Variants in NEURL1 observed in about 807,000 individuals in gnomAD.
The protein encoded by NEURL1 is neuralized E3 ubiquitin protein ligase 1.
A neutral mutation model predicts 41.2 loss-of-function variants in NEURL1; 26 were observed. The ratio of observed to expected loss-of-function variants is 0.63; its 90% CI spans 0.46 to 0.87. The LOEUF is 0.87. NEURL1 is among the 40% of genes least tolerant of loss of function. NEURL1 has a pLI of 0.00. For synonymous variants in NEURL1, 400 were observed against 402.3 expected (o/e 0.99, Z 0.07); for missense variants, 761 against 871.1 (o/e 0.87, Z 1.59).
At chr10:103,509,640 A>G (rs559868673) in intron 1 of NEURL1, among the ~76,000 whole-genome samples, 2 of 152,328 alleles carry the variant, frequency 1.3e-5, no homozygotes, top group Non-Finnish European at 2.9e-5. Context: ...ACGAAATGTC[A>G]TTGTGCGGCT....
In NEURL1 at chr10:103,591,610, G is replaced by T. The variant is rs1204735348; in HGVS notation, c.*1238G>T. 3.3e-5 allele frequency: 5 copies of T among 152,212 alleles called. No individual in the cohort carries two copies. The South Asian group carries it at 1.0e-3, about 32-fold the overall frequency. 9.4% of individuals were successfully genotyped at this position (152,212 alleles called of 1,614,324 possible). On this transcript the variant is annotated 3_prime_UTR_variant, in exon 6 of 6. Coordinates refer to ENST00000369780, the MANE Select transcript of NEURL1 (RefSeq NM_004210.5). ...TCATGAACTGGAACTCCATAAGGAGGGGCCAAATTGGGAGGCCTTTTGGCA... is the reference window on the plus strand; with the variant it reads ...TCATGAACTGGAACTCCATAAGGAGTGGCCAAATTGGGAGGCCTTTTGGCA...
At chr10:103,577,042 C>G (rs561452262) in intron 3 of NEURL1, among the ~76,000 whole-genome samples, 1 of 152,350 alleles carries the variant, frequency 6.6e-6, no homozygotes, top group East Asian at 1.9e-4. Flanking sequence ...GCTGTGGCTG[C>G]TAGGGGCCAA....
intron 1 of NEURL1, among the ~76,000 whole-genome samples, chr10:103,551,826 T>C (rs572322595): frequency 2.0e-5 from 3 of 152,312 alleles, no homozygotes; most frequent in Admixed American, 2.0e-4. Flanking sequence ...CCTTTTAGAC[T>C]GCAGTGTCAA....
chr10:103,495,733 C>T (rs1294001988), intron 1 of NEURL1, among the ~76,000 whole-genome samples: 1 of 152,228 alleles, frequency 6.6e-6, no homozygotes, highest in Non-Finnish European at 1.5e-5. Flanking sequence ...CTTCAGCTTT[C>T]ACTTGGCTCA....
intron 3 of NEURL1, among the ~76,000 whole-genome samples, chr10:103,579,291 G>T (rs11815073): frequency 0.51 from 77,289 of 152,094 alleles, 19,991 homozygotes; most frequent in East Asian, 0.63. Flanking sequence ...CTCCTGTGTC[G>T]TCCAGAATAC....
At position 103,564,010 on chromosome 10, in the gene NEURL1, C is replaced by A. The variant is rs377517559; in HGVS notation, c.86-6862C>A. 2.6e-5 allele frequency among the ~76,000 whole-genome samples: 4 copies of A among 152,354 alleles called. No individual in the cohort carries two copies. In the East Asian group the frequency reaches 7.7e-4, roughly 29 times the overall value. On this transcript the variant is annotated intron_variant, in intron 1 of 5. Transcript: ENST00000369780. ...CTTGGCTGGGGTGGTGAGCTCCCCC[C>A]CATCTCTCCTTGGCAGCCCAGCTGA...
chr10:103,528,574 A>G (rs921179192), intron 1 of NEURL1, among the ~76,000 whole-genome samples: 2 of 151,950 alleles, frequency 1.3e-5, no homozygotes, highest in African/African-American at 4.8e-5. Flanking sequence ...AAATGTTGGT[A>G]TGGTGAGGGT....
At chr10:103,580,573 G>A (rs909289127) in intron 3 of NEURL1, among the ~76,000 whole-genome samples, 2 of 152,134 alleles carry the variant, frequency 1.3e-5, no homozygotes, top group Non-Finnish European at 1.5e-5. Context: ...TCCCTTCTGC[G>A]GAGGGTGTTC....
chr10:103,514,790 G>C (rs892443952), intron 1 of NEURL1, among the ~76,000 whole-genome samples: 1 of 152,140 alleles, frequency 6.6e-6, no homozygotes, highest in African/African-American at 2.4e-5. Context: ...ATAGGGAGTG[G>C]GGCAGGAAGC....
chr10:103,542,611 G>A (rs2034843739), intron 1 of NEURL1, among the ~76,000 whole-genome samples: 1 of 152,154 alleles, frequency 6.6e-6, no homozygotes, highest in African/African-American at 2.4e-5. Context: ...TGCAACCAGG[G>A]CTGAGAACTG....
intron 1 of NEURL1, among the ~76,000 whole-genome samples, chr10:103,496,089 G>A (rs1037701171): frequency 1.3e-5 from 2 of 150,582 alleles, no homozygotes; most frequent in Admixed American, 6.6e-5. Context: ...CAGCCTGAGC[G>A]ACAGAGCGAG....
In NEURL1 at chr10:103,558,756, G is replaced by A. The variant is rs956667510; in HGVS notation, c.86-12116G>A. ...CGAAGAGGGAGGCAGCAGTGACACT[G>A]GGAGGTCCCCCTCCTCTCGCCTCTG... On this transcript the variant is annotated intron_variant, in intron 1 of 5. Coordinates refer to ENST00000369780, the MANE Select transcript of NEURL1 (RefSeq NM_004210.5). This position sits in a 1 kb window ranked among gnomAD's most constrained non-coding sequence, Gnocchi z 4.2. Among the ~76,000 whole-genome samples the A allele has an allele frequency of 1.6e-4, 24 of 152,140 alleles. No homozygotes were observed. The highest frequency in any genetic ancestry group is 5.3e-4 in the African/African-American group (22 of 41,432).
At chr10:103,537,257 C>T (rs897104613) in intron 1 of NEURL1, among the ~76,000 whole-genome samples, 17 of 152,294 alleles carry the variant, frequency 1.1e-4, no homozygotes, top group African/African-American at 4.1e-4. Context: ...AAGTCCAAGT[C>T]CCTGCTTTCC....
chr10:103,531,159 G>A (rs569405235), intron 1 of NEURL1, among the ~76,000 whole-genome samples: 32 of 152,138 alleles, frequency 2.1e-4, no homozygotes, highest in Middle Eastern at 3.4e-3. Context: ...GGCGGAGGTT[G>A]CAGTGAGCCA....
chr10:103,554,618 C>T (rs1435796503), intron 1 of NEURL1, among the ~76,000 whole-genome samples: 2 of 152,120 alleles, frequency 1.3e-5, no homozygotes, highest in African/African-American at 4.8e-5. Flanking sequence ...TCTGTAAGAC[C>T]ATCATCATCA....
intron 1 of NEURL1, among the ~76,000 whole-genome samples, chr10:103,533,335 TCTGA>T (rs2034613774): frequency 6.6e-6 from 1 of 152,080 alleles, no homozygotes; most frequent in Admixed American, 6.6e-5. Flanking sequence ...TATTTTTTTC[TCTGA>T]CTGGGTAATT....
At position 103,514,465 on chromosome 10, in the gene NEURL1, C is replaced by T. The variant is rs1238394808; in HGVS notation, c.85+19993C>T. ...GTGTGGACTCTCCTTGAGGCCTCTG[C>T]TCTCTGACCCCTCCTGCCCCAGCCT... On this transcript the variant is annotated intron_variant, in intron 1 of 5. Coordinates refer to ENST00000369780, the MANE Select transcript of NEURL1 (RefSeq NM_004210.5). Among the ~76,000 whole-genome samples, 3 of 152,250 alleles carry T rather than the reference C, an allele frequency of 2.0e-5. No individual in the cohort carries two copies. In the South Asian group the frequency reaches 6.2e-4, roughly 32 times the overall value.
chr10:103,564,582 G>C (rs1176718120), intron 1 of NEURL1, among the ~76,000 whole-genome samples: 1 of 152,246 alleles, frequency 6.6e-6, no homozygotes, highest in African/African-American at 2.4e-5. Context: ...GTAGGGTAAA[G>C]GTCCCCAGAC....
At chr10:103,522,611 A>C (rs1369115543) in intron 1 of NEURL1, among the ~76,000 whole-genome samples, 2 of 152,008 alleles carry the variant, frequency 1.3e-5, no homozygotes, top group Admixed American at 6.6e-5. Context: ...TCAAAAAAAA[A>C]AAAAAAAAAA....
Sources: gnomAD v4.1 joint callset for allele counts (sites outside exome capture counted in the v4.1 genomes callset) on GRCh38, gnomAD v4.1.1 for gene constraint, Gnocchi (gnomAD v3.1) non-coding constraint, MANE v1.5 for transcripts, NCBI Gene and HGNC (gene_info 2026-07-23, HGNC 2026-07-21) for gene names.